The following ATXN7L1 variants were observed in gnomAD, a reference collection of about 807,000 sequenced individuals.
The protein encoded by ATXN7L1 is ataxin-7-like protein 1.
ATXN7L1 carries 15 observed loss-of-function variants against 70.8 expected under a neutral mutation model. The ratio of observed to expected loss-of-function variants is 0.21; its 90% CI spans 0.14 to 0.33. The LOEUF is 0.33. Among genes scored for constraint, ATXN7L1 ranks in the 10% least tolerant of loss-of-function variants. The pLI, the probability that ATXN7L1 is intolerant of heterozygous loss-of-function variation, is 1.00. For missense variants in ATXN7L1, 975 were observed against 1,097.1 expected (o/e 0.89, Z 1.57); for synonymous variants, 440 against 445.1 (o/e 0.99, Z 0.14).
intron 2 of ATXN7L1, among the ~76,000 whole-genome samples, chr7:105,858,852 T>G (rs1432511528): frequency 6.6e-6 from 1 of 151,978 alleles, no homozygotes; most frequent in Non-Finnish European, 1.5e-5. Flanking sequence ...AGGAAGCATT[T>G]TAAATGGCAA....
intron 2 of ATXN7L1, among the ~76,000 whole-genome samples, chr7:105,874,654 C>A (rs1303451661): frequency 6.6e-6 from 1 of 152,192 alleles, no homozygotes; most frequent in Non-Finnish European, 1.5e-5. Flanking sequence ...CGCATTTTAA[C>A]CTTCATGTTA....
chr7:105,685,872 A>G (rs1486173997), intron 3 of ATXN7L1, among the ~76,000 whole-genome samples: 2 of 152,192 alleles, frequency 1.3e-5, no homozygotes, highest in African/African-American at 2.4e-5. Flanking sequence ...CAGGGAATAA[A>G]TGGTCTTCAC....
At chr7:105,778,171 A>C in intron 3 of ATXN7L1, among the ~76,000 whole-genome samples, 1 of 152,174 alleles carries the variant, frequency 6.6e-6, no homozygotes, top group East Asian at 1.9e-4. Flanking sequence ...CCTTCAAGAA[A>C]TAGGCTTTGA....
chr7:105,794,271 C>A (rs1218708828), intron 2 of ATXN7L1, among the ~76,000 whole-genome samples: 1 of 152,052 alleles, frequency 6.6e-6, no homozygotes, highest in Non-Finnish European at 1.5e-5. Flanking sequence ...AGTGGTCATC[C>A]AAGAGCCTGA....
intron 3 of ATXN7L1, among the ~76,000 whole-genome samples, chr7:105,743,882 T>C (rs935849410): frequency 6.6e-6 from 1 of 152,226 alleles, no homozygotes; most frequent in African/African-American, 2.4e-5. Flanking sequence ...TCCTGAACAT[T>C]AATCAAGTAT....
intron 2 of ATXN7L1, among the ~76,000 whole-genome samples, chr7:105,817,818 C>G (rs1237395737): frequency 6.6e-6 from 1 of 152,132 alleles, no homozygotes; most frequent in Non-Finnish European, 1.5e-5. Context: ...TTCAGCTACT[C>G]CGGAGGCTGA....
intron 4 of ATXN7L1, among the ~76,000 whole-genome samples, chr7:105,651,865 T>C (rs1328885279): frequency 1.3e-5 from 2 of 152,200 alleles, no homozygotes; most frequent in Non-Finnish European, 2.9e-5. Context: ...GGTTCTAAGA[T>C]GCCTCCCAGA....
intron 2 of ATXN7L1, among the ~76,000 whole-genome samples, chr7:105,844,202 C>T (rs1221340562): frequency 6.6e-6 from 1 of 152,082 alleles, no homozygotes. Context: ...GTCACTTCTG[C>T]CATATTCTAT....
At chr7:105,779,367 A>C (rs898205359) in intron 3 of ATXN7L1, among the ~76,000 whole-genome samples, 19 of 152,256 alleles carry the variant, frequency 1.2e-4, no homozygotes, top group African/African-American at 4.6e-4. Flanking sequence ...TAGGGGAGTG[A>C]AAAGTGGGAC....
chr7:105,697,464 A>T (rs956868107), intron 3 of ATXN7L1, among the ~76,000 whole-genome samples: 1 of 152,254 alleles, frequency 6.6e-6, no homozygotes, highest in Non-Finnish European at 1.5e-5. Context: ...ACCTGCGGTC[A>T]GAGTTTAAGG....
At chr7:105,866,109 A>G (rs944732943) in intron 2 of ATXN7L1, among the ~76,000 whole-genome samples, 1 of 152,076 alleles carries the variant, frequency 6.6e-6, no homozygotes, top group African/African-American at 2.4e-5. Context: ...ACCCCACCCC[A>G]GGACTCTGTG....
At chr7:105,846,499 C>A (rs758935883) in intron 2 of ATXN7L1, among the ~76,000 whole-genome samples, 1 of 152,132 alleles carries the variant, frequency 6.6e-6, no homozygotes, top group African/African-American at 2.4e-5. Context: ...GAAATTAGAA[C>A]CCTCATACAT....
chr7:105,800,736 C>T (rs922687418), intron 2 of ATXN7L1, among the ~76,000 whole-genome samples: 3 of 152,210 alleles, frequency 2.0e-5, no homozygotes, highest in South Asian at 2.1e-4. Context: ...CAGGGCAAGC[C>T]ACAGAACATC....
chr7:105,649,623 A>AGGGCCAGCT, intron 4 of ATXN7L1: 1 of 978,482 alleles, frequency 1.0e-6, no homozygotes, highest in Non-Finnish European at 1.2e-6. Flanking sequence ...AATGTGCCGC[A>AGGGCCAGCT]GGGCCAGCTG....
intron 2 of ATXN7L1, among the ~76,000 whole-genome samples, chr7:105,869,509 A>C (rs1372607089): frequency 6.6e-6 from 1 of 152,124 alleles, no homozygotes; most frequent in African/African-American, 2.4e-5. Context: ...CACCTTCTCC[A>C]ATTTGCTCCC....
At chr7:105,760,569 T>C (rs498280) in intron 3 of ATXN7L1, 796,569 of 985,398 alleles carry the variant, frequency 0.81, 323,359 homozygotes, top group East Asian at 0.97. Flanking sequence ...TGAGACTATG[T>C]TAGGCTCTGA....
At chr7:105,665,316 G>T in intron 3 of ATXN7L1, 28 bp from the exon 4 acceptor site, 1 of 1,518,906 alleles carries the variant, frequency 6.6e-7, no homozygotes, top group South Asian at 1.2e-5. Context: ...AGAGAACTCA[G>T]CACAGCATCT....
chr7:105,642,576 G>C (rs1164632744), intron 5 of ATXN7L1, among the ~76,000 whole-genome samples: 1 of 152,250 alleles, frequency 6.6e-6, no homozygotes, highest in African/African-American at 2.4e-5. Flanking sequence ...GAGTAGGTCG[G>C]TGCAGAGCAC....
At chr7:105,731,106 A>G (rs1796482916) in intron 3 of ATXN7L1, among the ~76,000 whole-genome samples, 1 of 152,174 alleles carries the variant, frequency 6.6e-6, no homozygotes, top group African/African-American at 2.4e-5. Context: ...GTAAAAACAC[A>G]GCTAAAACTT....
Sources: allele counts gnomAD v4.1 joint callset (sites outside exome capture counted in the v4.1 genomes callset), GRCh38; gene constraint gnomAD v4.1.1; transcripts MANE v1.5; gene names NCBI Gene and HGNC (gene_info 2026-07-23, HGNC 2026-07-21).